NXPH1: variants seen among roughly 807,000 people sequenced by gnomAD.
The protein encoded by NXPH1 is neurexophilin-1.
A neutral mutation model predicts 23.7 loss-of-function variants in NXPH1; 5 were observed. The observed-to-expected ratio is 0.21, with a 90% CI of 0.11 to 0.44. NXPH1 has a LOEUF of 0.44. Among genes scored for constraint, NXPH1 ranks in the 20% least tolerant of loss-of-function variants. The probability of loss-of-function intolerance (pLI) is 0.99; values close to 1 mark genes in which losing one functional copy is unlikely to be tolerated. For synonymous variants in NXPH1, 144 were observed against 122.2 expected (o/e 1.18, Z -1.18); for missense variants, 324 against 321.6 (o/e 1.01, Z -0.06).
At chr7:8,491,840 A>G (rs1387854589) in intron 2 of NXPH1, among the ~76,000 whole-genome samples, 2 of 152,092 alleles carry the variant, frequency 1.3e-5, no homozygotes. Context: ...TTTCTTTTGC[A>G]GCTTCAGCTG....
intron 2 of NXPH1, among the ~76,000 whole-genome samples, chr7:8,706,917 G>A (rs1779715142): frequency 6.6e-6 from 1 of 152,056 alleles, no homozygotes; most frequent in Non-Finnish European, 1.5e-5. Context: ...AGTGAGAAGG[G>A]GGTGAGTGAT....
chr7:8,446,236 TGCAG>T (rs1816400364), intron 2 of NXPH1, among the ~76,000 whole-genome samples: 2 of 152,246 alleles, frequency 1.3e-5, no homozygotes, highest in African/African-American at 4.8e-5. Context: ...TCTGTCTTAG[TGCAG>T]TGATATGAAC....
At chr7:8,572,762 A>T (rs557235981) in intron 2 of NXPH1, among the ~76,000 whole-genome samples, 1 of 152,068 alleles carries the variant, frequency 6.6e-6, no homozygotes, top group African/African-American at 2.4e-5. Flanking sequence ...GTTTTTTTTC[A>T]ATTAAATTCA....
At chr7:8,581,816 C>T (rs930604192) in intron 2 of NXPH1, among the ~76,000 whole-genome samples, 13 of 152,112 alleles carry the variant, frequency 8.5e-5, no homozygotes, top group African/African-American at 3.1e-4. Flanking sequence ...AAAAAGGACT[C>T]CCCAGAGAAA....
chr7:8,477,252 A>C (rs1371682713), intron 2 of NXPH1, among the ~76,000 whole-genome samples: 2 of 152,152 alleles, frequency 1.3e-5, no homozygotes, highest in Non-Finnish European at 2.9e-5. Flanking sequence ...GTCTACCCAA[A>C]GACTGATATG....
At chr7:8,453,131 T>C (rs1489914984) in intron 2 of NXPH1, among the ~76,000 whole-genome samples, 1 of 152,146 alleles carries the variant, frequency 6.6e-6, no homozygotes, top group Non-Finnish European at 1.5e-5. Context: ...ACTTTTTTAT[T>C]TTTTACAGAA....
chr7:8,637,132 A>C (rs1820229307), intron 2 of NXPH1, among the ~76,000 whole-genome samples: 1 of 152,162 alleles, frequency 6.6e-6, no homozygotes, highest in Non-Finnish European at 1.5e-5. Context: ...TAAATCAAGA[A>C]AATGGCAGGA....
chr7:8,716,581 G>A (rs945496569), intron 2 of NXPH1, among the ~76,000 whole-genome samples: 6 of 152,226 alleles, frequency 3.9e-5, no homozygotes, highest in African/African-American at 1.4e-4. Context: ...TAAAAGATAA[G>A]AAAAATTTAA....
At chr7:8,525,740 C>T (rs770177611) in intron 2 of NXPH1, among the ~76,000 whole-genome samples, 1 of 152,210 alleles carries the variant, frequency 6.6e-6, no homozygotes, top group Non-Finnish European at 1.5e-5. Flanking sequence ...TGGCAGCTTC[C>T]ACGTGGTGTT....
intron 2 of NXPH1, among the ~76,000 whole-genome samples, chr7:8,651,939 T>A (rs2189632): frequency 0.71 from 107,380 of 152,006 alleles, 38,692 homozygotes; most frequent in East Asian, 1. Context: ...TCCTACTTTG[T>A]CTTATTCTGT....
At chr7:8,581,578 G>A (rs1464414001) in intron 2 of NXPH1, among the ~76,000 whole-genome samples, 1 of 152,174 alleles carries the variant, frequency 6.6e-6, no homozygotes, top group African/African-American at 2.4e-5. Flanking sequence ...CAACATCAGG[G>A]ATTACAGTTC....
At chr7:8,577,745 C>G (rs1818782981) in intron 2 of NXPH1, among the ~76,000 whole-genome samples, 1 of 152,172 alleles carries the variant, frequency 6.6e-6, no homozygotes, top group African/African-American at 2.4e-5. Flanking sequence ...TGTAACTGAA[C>G]AAGTATTACG....
At chr7:8,508,839 T>A (rs1253246585) in intron 2 of NXPH1, among the ~76,000 whole-genome samples, 4 of 152,050 alleles carry the variant, frequency 2.6e-5, no homozygotes, top group Admixed American at 2.6e-4. Context: ...GTTAGGGTCT[T>A]GTAAAAGGAA....
intron 2 of NXPH1, among the ~76,000 whole-genome samples, chr7:8,670,408 T>G (rs936369789): frequency 1.3e-5 from 2 of 152,254 alleles, no homozygotes; most frequent in African/African-American, 2.4e-5. Flanking sequence ...CCAAAGATTA[T>G]ATAAAATTGA....
intron 2 of NXPH1, among the ~76,000 whole-genome samples, chr7:8,734,270 A>G (rs554795535): frequency 7.9e-5 from 12 of 152,292 alleles, no homozygotes; most frequent in East Asian, 1.9e-4. Flanking sequence ...TGTTTTGGAT[A>G]CTGCATCCTT....
intron 2 of NXPH1, among the ~76,000 whole-genome samples, chr7:8,728,054 A>G (rs1780086294): frequency 1.3e-5 from 2 of 150,210 alleles, no homozygotes; most frequent in African/African-American, 4.9e-5. Flanking sequence ...GGTCCTTCAC[A>G]TCCCTTGTAA....
intron 2 of NXPH1, among the ~76,000 whole-genome samples, chr7:8,682,349 T>TCAGGA (rs1821069100): frequency 6.6e-6 from 1 of 152,234 alleles, no homozygotes; most frequent in South Asian, 2.1e-4. Flanking sequence ...CAGGAGAGTA[T>TCAGGA]GTGTTTTAAA....
chr7:8,617,407 GT>G (rs1819768078), intron 2 of NXPH1, among the ~76,000 whole-genome samples: 1 of 152,022 alleles, frequency 6.6e-6, no homozygotes, highest in Non-Finnish European at 1.5e-5. Flanking sequence ...TGCAACCTAA[GT>G]GTCCATCAAC....
chr7:8,524,739 G>T (rs75097160), intron 2 of NXPH1, among the ~76,000 whole-genome samples: 1 of 152,154 alleles, frequency 6.6e-6, no homozygotes, highest in Non-Finnish European at 1.5e-5. Flanking sequence ...GATCTGATGG[G>T]TTTATCAGGG....
Sources: gnomAD v4.1 joint callset for allele counts (sites outside exome capture counted in the v4.1 genomes callset) on GRCh38, gnomAD v4.1.1 for gene constraint, MANE v1.5 for transcripts, NCBI Gene and HGNC (gene_info 2026-07-23, HGNC 2026-07-21) for gene names.